The following HDAC2 variants were observed in gnomAD, a reference collection of about 807,000 sequenced individuals.
HDAC2 encodes histone deacetylase 2, also known as YY1-associated factor 1.
A neutral mutation model predicts 68.5 loss-of-function variants in HDAC2; 5 were observed. The ratio of observed to expected loss-of-function variants is 0.07; its 90% confidence interval spans 0.04 to 0.15. The LOEUF (loss-of-function observed/expected upper bound fraction) is 0.15. HDAC2 is among the 10% of genes least tolerant of loss of function. HDAC2 has a pLI of 1.00. For synonymous variants in HDAC2, 182 were observed against 191.3 expected (o/e 0.95, Z 0.40); for missense variants, 291 against 600.8 (o/e 0.48, Z 5.39).
rs920384455 is a variant in HDAC2, at chr6:113,936,066, T to C, written c.*4992A>G. The C allele has an allele frequency of 6.6e-6, 1 of 152,246 alleles. No individual in the cohort carries two copies. The highest frequency in any genetic ancestry group is 2.4e-5 in the African/African-American group (1 of 41,472). The allele number at this position is 152,246 out of a possible 1,614,324, so 9.4% of individuals were successfully genotyped here. A position where few individuals can be genotyped will look rare whatever the true frequency, so the allele number is the denominator to read the frequency against. On this transcript the variant is annotated 3_prime_UTR_variant, in exon 14 of 14. Coordinates refer to ENST00000519065, the MANE Select transcript of HDAC2 (RefSeq NM_001527.4). ...AGCAAAGTCACAATTAGTCAATGAC[T>C]ACCAGATACACTCTACTGTGTTTTG...
At chr6:113,943,982 T>C (rs551482478) in intron 11 of HDAC2, among the ~76,000 whole-genome samples, 1 of 152,358 alleles carries the variant, frequency 6.6e-6, no homozygotes, top group East Asian at 1.9e-4. Context: ...AGATGTTTAG[T>C]TATTTAGTTC....
intron 11 of HDAC2, among the ~76,000 whole-genome samples, chr6:113,943,809 T>A (rs1349309660): frequency 6.6e-6 from 1 of 152,154 alleles, no homozygotes; most frequent in South Asian, 2.1e-4. Flanking sequence ...GGGAATAATG[T>A]CATTACTTAA....
In HDAC2 at chr6:113,946,151, A is replaced by G. The variant is rs1201038462; in HGVS notation, c.842-3T>C. 1 of 1,607,996 alleles carries G rather than the reference A, an allele frequency of 6.2e-7. No individual in the cohort carries two copies. Among genetic ancestry groups the G allele is most frequent in the African/African-American group, 1.3e-5 (1 of 74,878 alleles). On this transcript the variant is annotated splice_region_variant and splice_polypyrimidine_tract_variant and intron_variant, in intron 8 of 13. Coordinates refer to ENST00000519065, the MANE Select transcript of HDAC2 (RefSeq NM_001527.4). ...AACTTCTACACATTTAGCATGACCT[A>G]AGACAAGAAGATTTGGGTAACAACA...
chr6:113,946,072 G>A lies in HDAC2; in HGVS notation c.918C>T (p.Ile306=), dbSNP rs1776257352. 1 of 1,612,828 alleles carries A rather than the reference G, an allele frequency of 6.2e-7. No homozygotes were observed. Among genetic ancestry groups the A allele is most frequent in the Non-Finnish European group, 8.5e-7 (1 of 1,178,936 alleles). ...ATGTCCAACATCGAGCAACATTACG[G>A]ATTGTGTAGCCACCTCCTCCAAGCA... is the stretch of plus-strand genomic sequence containing the variant. The part of the protein sequence containing the change: ...LLMLGGGGYT[I]RNVARCWTYE... Residue 306 remains isoleucine (I), a synonymous_variant, in exon 9 of 14, where the codon ATC becomes ATT. Coordinates refer to ENST00000519065, the MANE Select transcript of HDAC2 (RefSeq NM_001527.4).
chr6:113,944,133 A>G, intron 11 of HDAC2, 147 bp downstream of exon 11: 2 of 686,032 alleles, frequency 2.9e-6, no homozygotes, highest in South Asian at 1.8e-5. Flanking sequence ...CTGAGACATC[A>G]GGAAGCTAAA....
rs1776112809 is a variant in HDAC2, at chr6:113,940,805, T to C, written c.*253A>G. On this transcript the variant is annotated 3_prime_UTR_variant, in exon 14 of 14. Transcript: ENST00000519065. ...ATTACTTCTTTAATAGATCAGTTTT[T>C]TTGACATAATAACTCACATCAATTT... The C allele has an allele frequency of 2.8e-6, 1 of 354,394 alleles. No homozygotes were observed. Among genetic ancestry groups the C allele is most frequent in the Admixed American group, 4.4e-5 (1 of 22,638 alleles). 22.0% of individuals were successfully genotyped at this position (354,394 alleles called of 1,614,324 possible). A position where few individuals can be genotyped will look rare whatever the true frequency, so the allele number is the denominator to read the frequency against.
At chr6:113,954,423 TAA>T (rs1489076064) in intron 5 of HDAC2, among the ~76,000 whole-genome samples, 2 of 152,046 alleles carry the variant, frequency 1.3e-5, no homozygotes, top group Non-Finnish European at 2.9e-5. Flanking sequence ...GTGATCAAAA[TAA>T]AGTTTCTGAG....
intron 6 of HDAC2, among the ~76,000 whole-genome samples, chr6:113,950,700 T>TGGGGGGGGGGGG (rs34412922): frequency 1.6e-5 from 1 of 62,436 alleles, no homozygotes. Context: ...CTGAGTGGGG[T>TGGGGGGGGGGGG]GGGGGGGGGG....
At chr6:113,969,103 C>T (rs1032642545) in intron 1 of HDAC2, among the ~76,000 whole-genome samples, 1 of 152,160 alleles carries the variant, frequency 6.6e-6, no homozygotes, top group Non-Finnish European at 1.5e-5. Flanking sequence ...CCAATTTGAT[C>T]AGGGAATGCA....
rs374393590 is a variant in HDAC2 at position 113,961,833 on chromosome 6, T to A, written c.53-1815A>T. On this transcript the variant is annotated intron_variant, in intron 1 of 13. Coordinates refer to ENST00000519065, the MANE Select transcript of HDAC2 (RefSeq NM_001527.4). ...GTCTAGTCTTCACTAGAAATGCAGA[T>A]TCTATGAGGTTTCGTGGGATGACCC... 5.3e-5 allele frequency among the ~76,000 whole-genome samples: 8 copies of A among 152,268 alleles called. No homozygotes were observed. The East Asian group carries it at 1.3e-3, about 26-fold the overall frequency.
At position 113,939,009 on chromosome 6, in the gene HDAC2, G is replaced by A. The variant is rs1039104317; in HGVS notation, c.*2049C>T. The A allele has an allele frequency of 3.9e-5, 6 of 152,144 alleles. No homozygotes were observed. Among genetic ancestry groups the A allele is most frequent in the African/African-American group, 1.2e-4 (5 of 41,432 alleles). 9.4% of individuals were successfully genotyped at this position (152,144 alleles called of 1,614,324 possible). A position where few individuals can be genotyped will look rare whatever the true frequency, so the allele number is the denominator to read the frequency against. ...ACACAATGGAACATAATACATAGCAGTCAAAATGAACTATACTTAACATGT... is the reference window on the plus strand; with the variant it reads ...ACACAATGGAACATAATACATAGCAATCAAAATGAACTATACTTAACATGT... On this transcript the variant is annotated 3_prime_UTR_variant, in exon 14 of 14. Transcript: ENST00000519065.
intron 12 of HDAC2, among the ~76,000 whole-genome samples, chr6:113,942,761 T>A (rs1265250048): frequency 6.6e-6 from 1 of 152,132 alleles, no homozygotes; most frequent in Non-Finnish European, 1.5e-5. Flanking sequence ...GGTAACAGAT[T>A]CCGGTAGCAA....
chr6:113,943,505 A>G lies in HDAC2; in HGVS notation c.1224T>C (p.Ile408=), dbSNP rs1776192058. The G allele has an allele frequency of 6.3e-6, 10 of 1,594,278 alleles. No individual in the cohort carries two copies. Among genetic ancestry groups the G allele is most frequent in the Non-Finnish European group, 8.5e-6 (10 of 1,176,278 alleles). The change falls in exon 12 of 14, where the codon ATT becomes ATC. Residue 408 remains isoleucine, a splice_region_variant and synonymous_variant. Transcript: ENST00000519065. The stretch of plus-strand genomic sequence containing the variant: ...AAGCTATCCGCTTGTCTGATGCTCG[A>G]ACTGCACAGAATATTTTAATAAATT... ...DGEDPDKRIS[I]RASDKRIACD... is the part of the protein sequence containing the mutation.
Position 113,943,422 on chromosome 6 carries a change from G to C in HDAC2, c.1307C>G (p.Ala436Gly), listed in dbSNP as rs1776189361. 2 of 1,610,160 alleles carry C rather than the reference G, an allele frequency of 1.2e-6. No homozygotes were observed. Among genetic ancestry groups the C allele is most frequent in the Admixed American group, 3.3e-5 (2 of 59,796 alleles). The change falls in exon 12 of 14, where the codon GCT (alanine) becomes GGT (glycine). Residue 436 changes from alanine (A) to glycine (G), a missense_variant. Transcript: ENST00000519065. ...TTTCTTTGCTCCTTTCTTATGATCAGCCACATTTCTTCGACCTCCTTCTCC... is the reference window on the plus strand; with the variant it reads ...TTTCTTTGCTCCTTTCTTATGATCACCCACATTTCTTCGACCTCCTTCTCC... ...DEGEGGRRNV[A>G]DHKKGAKKAR...
intron 1 of HDAC2, chr6:113,970,615 A>AG: frequency 7.6e-7 from 1 of 1,323,162 alleles, no homozygotes; most frequent in East Asian, 3.2e-5. Flanking sequence ...GCACGGCCGA[A>AG]GGGGGAGAGG....
rs557756596 is a variant in HDAC2, at chr6:113,968,376, T to C, written c.52+2481A>G. The stretch of plus-strand genomic sequence containing the variant: ...TACAGAAGCTCCTTTCCTTGCATTC[T>C]CTTCTCACAATAAAAAAAGAATTAG... On this transcript the variant is annotated intron_variant, in intron 1 of 13. Transcript: ENST00000519065. 2.6e-5 allele frequency: 4 copies of C among 152,318 alleles called. No individual in the cohort carries two copies. The East Asian group carries it at 7.7e-4, about 29-fold the overall frequency. The allele number at this position is 152,318 out of a possible 1,614,324, so 9.4% of individuals were successfully genotyped here.
chr6:113,969,303 T>C (rs933802571), intron 1 of HDAC2, among the ~76,000 whole-genome samples: 1 of 152,264 alleles, frequency 6.6e-6, no homozygotes, highest in Admixed American at 6.5e-5. Context: ...TTTAGATTTG[T>C]TCTGTAAGAT....
chr6:113,956,010 T>C lies in HDAC2; in HGVS notation c.497+3A>G. On this transcript the variant is annotated splice_donor_region_variant and intron_variant, in intron 5 of 13. Coordinates refer to ENST00000519065, the MANE Select transcript of HDAC2 (RefSeq NM_001527.4). ...AAAAGAGTATCAATATAAATTAACA[T>C]ACTTTAGTAATTCAAGGATGGCAAG... The C allele has an allele frequency of 6.3e-7, 1 of 1,589,790 alleles. No homozygotes were observed. The highest frequency in any genetic ancestry group is 8.6e-7 in the Non-Finnish European group (1 of 1,167,812).
rs556764686 is a variant in HDAC2 at position 113,944,482 on chromosome 6, T to C, written c.1092-72A>G. On this transcript the variant is annotated intron_variant, in intron 10 of 13. Coordinates refer to ENST00000519065, the MANE Select transcript of HDAC2 (RefSeq NM_001527.4). The stretch of plus-strand genomic sequence containing the variant: ...CAGTTCTTACATGCAAGAGAAAATA[T>C]TTAGCAAAAAATTTCATCTTTGGTC... 93 of 1,360,370 alleles carry C rather than the reference T, an allele frequency of 6.8e-5. No homozygotes were observed. The South Asian group carries it at 1.1e-3, about 16-fold the overall frequency. The allele number at this position is 1,360,370 out of a possible 1,614,324, so 84.3% of individuals were successfully genotyped here.
Sources: gnomAD v4.1 joint callset for allele counts (sites outside exome capture counted in the v4.1 genomes callset) on GRCh38, gnomAD v4.1.1 for gene constraint, MANE v1.5 for transcripts, NCBI Gene and HGNC (gene_info 2026-07-23, HGNC 2026-07-21) for gene names.